Variants in THADA observed in about 807,000 individuals in gnomAD.
THADA encodes THADA armadillo repeat containing, also known as tRNA (32-2'-O)-methyltransferase regulator THADA.
A neutral mutation model predicts 219.8 loss-of-function variants in THADA; 213 were observed. The observed-to-expected ratio is 0.97, with a 90% CI of 0.87 to 1.09. The LOEUF is 1.09. Ranked by LOEUF, THADA falls within the 50% of genes least tolerant of loss-of-function variation. THADA has a pLI of 0.00. For synonymous variants in THADA, 1,018 were observed against 828.9 expected (o/e 1.23, Z -3.92); for missense variants, 2,956 against 2,311.3 (o/e 1.28, Z -5.72).
intron 35 of THADA, among the ~76,000 whole-genome samples, chr2:43,281,562 C>T (rs1458785021): frequency 6.6e-6 from 1 of 151,546 alleles, no homozygotes; most frequent in Non-Finnish European, 1.5e-5. Flanking sequence ...CTGCCTGAGC[C>T]TCCCGGGTAG....
At chr2:43,586,359 A>ACTG in intron 7 of THADA, 42 bp downstream of exon 7, 1 of 1,484,786 alleles carries the variant, frequency 6.7e-7, no homozygotes, top group South Asian at 1.3e-5. Context: ...ATAATGTACA[A>ACTG]CTGCAAGTGT....
intron 1 of THADA, chr2:43,595,529 T>G (rs1702051839): frequency 6.6e-6 from 1 of 152,368 alleles, no homozygotes. Context: ...TTATGCCTGC[T>G]CAAATGATGC....
chr2:43,386,897 CAA>C (rs548365391), intron 29 of THADA, among the ~76,000 whole-genome samples: 2,693 of 97,196 alleles, frequency 0.028, 54 homozygotes, highest in African/African-American at 0.083. Context: ...GATTTCCTCT[CAA>C]AAAAAAAAAA....
At chr2:43,585,532 G>A (rs865974517) in intron 7 of THADA, among the ~76,000 whole-genome samples, 6 of 139,428 alleles carry the variant, frequency 4.3e-5, no homozygotes, top group East Asian at 4.1e-4. Context: ...AAAAAAAAAT[G>A]TAGATAGATA....
rs771992952 is a variant in THADA at position 43,320,426 on chromosome 2, A to G, written c.4438+20T>C. On this transcript the variant is annotated intron_variant, in intron 31 of 37. Transcript: ENST00000405975. ...AAGATGTGTAACGATTCCAAAATAC[A>G]GTATAACTATGAATCATACCTGGCT... 3.3e-5 allele frequency: 52 copies of G among 1,587,242 alleles called. No individual in the cohort carries two copies. The Admixed American group carries it at 8.8e-4, about 27-fold the overall frequency.
chr2:43,568,904 T>A (rs1994706), intron 14 of THADA, among the ~76,000 whole-genome samples: 26,818 of 149,974 alleles, frequency 0.18, 2,568 homozygotes, highest in Middle Eastern at 0.23. Context: ...TTAAAAAAAA[T>A]TTTTTTAACT....
intron 25 of THADA, among the ~76,000 whole-genome samples, chr2:43,486,863 T>C (rs1686980533): frequency 6.6e-6 from 1 of 152,130 alleles, no homozygotes; most frequent in South Asian, 2.1e-4. Context: ...CCAAACACCA[T>C]GAAAGCCAAA....
intron 14 of THADA, among the ~76,000 whole-genome samples, chr2:43,567,560 G>A (rs1698830728): frequency 6.6e-6 from 1 of 152,192 alleles, no homozygotes; most frequent in South Asian, 2.1e-4. Context: ...CCAGGAGGCA[G>A]AGGTTGCAGT....
intron 23 of THADA, among the ~76,000 whole-genome samples, chr2:43,506,383 CT>C (rs1359939338): frequency 6.6e-6 from 1 of 152,140 alleles, no homozygotes; most frequent in African/African-American, 2.4e-5. Context: ...TATTAAGCCA[CT>C]TGAGGCAATA....
At chr2:43,450,710 T>C (rs1215173240) in intron 26 of THADA, among the ~76,000 whole-genome samples, 1 of 152,078 alleles carries the variant, frequency 6.6e-6, no homozygotes, top group Non-Finnish European at 1.5e-5. Flanking sequence ...AAAAACATGA[T>C]CCAACTATAT....
intron 15 of THADA, 23 bp from the exon 16 acceptor site, chr2:43,560,408 A>C: frequency 2.7e-6 from 4 of 1,459,124 alleles, no homozygotes; most frequent in Non-Finnish European, 3.6e-6. Flanking sequence ...TAAAAACAAA[A>C]AGATTTAAAA....
chr2:43,416,687 G>A (rs1030987989), intron 28 of THADA, among the ~76,000 whole-genome samples: 4 of 152,070 alleles, frequency 2.6e-5, no homozygotes, highest in Non-Finnish European at 4.4e-5. Flanking sequence ...CTCCACACAG[G>A]TTTTGGCTGG....
At chr2:43,315,455 T>C (rs1677966300) in intron 31 of THADA, among the ~76,000 whole-genome samples, 2 of 151,920 alleles carry the variant, frequency 1.3e-5, no homozygotes, top group African/African-American at 4.8e-5. Flanking sequence ...TTACATTCTT[T>C]TTTTTTCTTT....
At chr2:43,394,613 A>T (rs1237530084) in intron 29 of THADA, among the ~76,000 whole-genome samples, 3 of 152,156 alleles carry the variant, frequency 2.0e-5, no homozygotes, top group Non-Finnish European at 2.9e-5. Context: ...CTTTATGTGG[A>T]GAGGAATCTA....
At chr2:43,436,654 A>G (rs1312743776) in intron 26 of THADA, among the ~76,000 whole-genome samples, 1 of 152,186 alleles carries the variant, frequency 6.6e-6, no homozygotes, top group African/African-American at 2.4e-5. Flanking sequence ...ATAGGTTGGA[A>G]TGACTGTACT....
intron 3 of THADA, 104 bp from the exon 4 acceptor site, chr2:43,591,058 C>A (rs764957372): frequency 1.9e-6 from 2 of 1,049,954 alleles, no homozygotes; most frequent in African/African-American, 1.6e-5. Flanking sequence ...CAGTGGCTCA[C>A]CCCTGTAATC....
intron 27 of THADA, among the ~76,000 whole-genome samples, chr2:43,428,522 T>C (rs1678804745): frequency 6.6e-6 from 1 of 152,034 alleles, no homozygotes; most frequent in Non-Finnish European, 1.5e-5. Context: ...GGAGAATCAC[T>C]TGAACCTAGG....
At chr2:43,404,287 G>C (rs1675254294) in intron 28 of THADA, among the ~76,000 whole-genome samples, 1 of 152,066 alleles carries the variant, frequency 6.6e-6, no homozygotes, top group African/African-American at 2.4e-5. Context: ...TGAATTCCTG[G>C]GCTCCAGTGA....
intron 28 of THADA, among the ~76,000 whole-genome samples, chr2:43,425,480 G>GTGTT (rs1678316473): frequency 6.6e-6 from 1 of 151,000 alleles, no homozygotes; most frequent in Non-Finnish European, 1.5e-5. Flanking sequence ...GTGTGTGTGT[G>GTGTT]TGTGTGTGAT....
Sources: allele counts gnomAD v4.1 joint callset (sites outside exome capture counted in the v4.1 genomes callset), GRCh38; gene constraint gnomAD v4.1.1; transcripts MANE v1.5; gene names NCBI Gene and HGNC (gene_info 2026-07-23, HGNC 2026-07-21).